The following AGBL1 variants were observed in gnomAD, a reference collection of about 807,000 sequenced individuals.
AGBL1 encodes the protein AGBL carboxypeptidase 1, also known as cytosolic carboxypeptidase 4.
AGBL1 carries 130 observed loss-of-function variants against 118.9 expected under a neutral mutation model. The observed-to-expected ratio is 1.09, with a 90% confidence interval of 0.95 to 1.26. AGBL1 has a LOEUF of 1.26. Ranked by LOEUF, AGBL1 falls within the 50% of genes most tolerant of loss-of-function variation. The pLI is 0.00. For synonymous variants in AGBL1, 555 were observed against 478.9 expected, an observed-to-expected ratio of 1.16 and a Z score of -2.08; for missense variants, 1,584 against 1,298.1, an observed-to-expected ratio of 1.22 and a Z score of -3.38.
At chr15:86,745,412 G>A (rs4887504) in intron 22 of AGBL1, among the ~76,000 whole-genome samples, 113,625 of 151,920 alleles carry the variant, frequency 0.75, 43,078 homozygotes, top group East Asian at 0.95. Flanking sequence ...CCCAAAGTCC[G>A]TTGTTTTAAA....
intron 15 of AGBL1, among the ~76,000 whole-genome samples, chr15:86,274,406 C>G (rs950361773): frequency 2.0e-5 from 3 of 151,964 alleles, no homozygotes; most frequent in Non-Finnish European, 2.9e-5. Context: ...ATTTTGATTG[C>G]AATTTAATTT....
downstream of AGBL1, among the ~76,000 whole-genome samples, chr15:86,918,062 A>G (rs1434850441): frequency 6.6e-6 from 1 of 152,196 alleles, no homozygotes; most frequent in African/African-American, 2.4e-5. Flanking sequence ...ACCAAAGAGA[A>G]TTCAGCAGAA....
chr15:86,925,122 A>AGAG (rs10664073), intron 23 of AGBL1, among the ~76,000 whole-genome samples: 107 of 73,954 alleles, frequency 1.4e-3, no homozygotes, highest in Middle Eastern at 7.5e-3. Context: ...AAGAAGAAGA[A>AGAG]GAAGAGGAAG....
Position 86,206,453 on chromosome 15 carries a change from C to T in AGBL1, c.489-18461C>T, listed in dbSNP as rs151131168. On this transcript the variant is annotated intron_variant, in intron 5 of 22. Coordinates refer to ENST00000614907, the MANE Select transcript of AGBL1 (RefSeq NM_001386094.1). ...CAACAGTGAGAAAGTGTTCCTATTT[C>T]TCCACATCCTCCCCAGCATCTGTTG... is the stretch of plus-strand genomic sequence containing the variant. Among the ~76,000 whole-genome samples the T allele has an allele frequency of 5.3e-3, 808 of 152,332 alleles. 4 individuals carry two copies. The highest frequency in any genetic ancestry group is 0.012 in the African/African-American group (505 of 41,576).
intron 23 of AGBL1, among the ~76,000 whole-genome samples, chr15:86,980,792 A>G (rs2081224487): frequency 6.6e-6 from 1 of 152,040 alleles, no homozygotes; most frequent in African/African-American, 2.4e-5. Flanking sequence ...TATTATTTTA[A>G]AACCACTTAT....
At chr15:86,593,660 TA>T (rs1256821753) in intron 21 of AGBL1, among the ~76,000 whole-genome samples, 1 of 152,198 alleles carries the variant, frequency 6.6e-6, no homozygotes, top group African/African-American at 2.4e-5. Flanking sequence ...TACTGTTTGA[TA>T]AGTTTTGTCA....
intron 5 of AGBL1, among the ~76,000 whole-genome samples, chr15:86,179,131 T>A (rs996559927): frequency 4.6e-5 from 7 of 152,218 alleles, no homozygotes; most frequent in African/African-American, 1.7e-4. Flanking sequence ...TCTGCAATCT[T>A]GATTCCTTAT....
intron 22 of AGBL1, among the ~76,000 whole-genome samples, chr15:86,881,974 A>G (rs1270623404): frequency 6.6e-6 from 1 of 152,154 alleles, no homozygotes; most frequent in Non-Finnish European, 1.5e-5. Flanking sequence ...GCCCACCTCC[A>G]ACACTGGGGA....
At chr15:86,191,813 G>A (rs757549710) in intron 5 of AGBL1, among the ~76,000 whole-genome samples, 5 of 151,158 alleles carry the variant, frequency 3.3e-5, no homozygotes, top group Admixed American at 6.6e-5. Context: ...CATGGGCTGC[G>A]TGCAGTAATC....
At chr15:86,304,841 G>A (rs1305039180) in intron 17 of AGBL1, 2 of 152,214 alleles carry the variant, frequency 1.3e-5, no homozygotes, top group Non-Finnish European at 2.9e-5. Context: ...TATGTTTTCA[G>A]AGAGTTACTG....
intron 22 of AGBL1, among the ~76,000 whole-genome samples, chr15:86,681,860 A>G (rs1346571915): frequency 6.6e-6 from 1 of 152,158 alleles, no homozygotes; most frequent in Non-Finnish European, 1.5e-5. Context: ...GGAGAAGTGA[A>G]TGAAGATGGA....
At chr15:86,760,478 A>T (rs569557290) in intron 22 of AGBL1, among the ~76,000 whole-genome samples, 37 of 152,222 alleles carry the variant, frequency 2.4e-4, no homozygotes, top group African/African-American at 7.9e-4. Context: ...GAAAAACCAC[A>T]GAAGGGGTGA....
intron 23 of AGBL1, among the ~76,000 whole-genome samples, chr15:86,980,942 A>G (rs1478551966): frequency 7.5e-6 from 1 of 133,948 alleles, no homozygotes; most frequent in Admixed American, 8.6e-5. Flanking sequence ...CCTGGAGTGC[A>G]GTGGTGTGAT....
At chr15:86,475,683 A>G (rs2082547940) in intron 18 of AGBL1, among the ~76,000 whole-genome samples, 1 of 152,238 alleles carries the variant, frequency 6.6e-6, no homozygotes, top group Non-Finnish European at 1.5e-5. Flanking sequence ...TCCCCAACCT[A>G]GCAAGGCAGG....
chr15:86,762,980 G>C (rs1395146256), intron 22 of AGBL1, among the ~76,000 whole-genome samples: 1 of 151,930 alleles, frequency 6.6e-6, no homozygotes, highest in Non-Finnish European at 1.5e-5. Flanking sequence ...TGCTAAAATA[G>C]AGTCCAATGT....
chr15:86,231,877 A>C (rs1020380406), intron 6 of AGBL1, among the ~76,000 whole-genome samples: 8 of 152,230 alleles, frequency 5.3e-5, no homozygotes, highest in African/African-American at 1.9e-4. Flanking sequence ...TAAGTATTAG[A>C]AGGATTATTG....
At chr15:86,738,197 C>G (rs2077628296) in intron 22 of AGBL1, among the ~76,000 whole-genome samples, 1 of 151,992 alleles carries the variant, frequency 6.6e-6, no homozygotes, top group South Asian at 2.1e-4. Flanking sequence ...AATAAAAGCT[C>G]TTAATAATTT....
At chr15:86,755,562 A>C (rs2077925001) in intron 22 of AGBL1, among the ~76,000 whole-genome samples, 1 of 152,094 alleles carries the variant, frequency 6.6e-6, no homozygotes. Context: ...GGTTGACCTC[A>C]AAGTCCCCCT....
chr15:86,184,902 C>A (rs576679287), intron 5 of AGBL1, among the ~76,000 whole-genome samples: 3 of 152,170 alleles, frequency 2.0e-5, no homozygotes, highest in Admixed American at 1.3e-4. Flanking sequence ...AAGGCTACAG[C>A]CAAAATTGAC....
Sources: allele counts gnomAD v4.1 joint callset (sites outside exome capture counted in the v4.1 genomes callset), GRCh38; gene constraint gnomAD v4.1.1; transcripts MANE v1.5; gene names NCBI Gene and HGNC (gene_info 2026-07-23, HGNC 2026-07-21).